The following CDH12 variants were observed in gnomAD, a reference collection of about 807,000 sequenced individuals.
CDH12 encodes cadherin 12, also known as cadherin-12.
In CDH12, 41 loss-of-function variants were observed where a neutral mutation model predicts 74.1. The observed-to-expected ratio is 0.55, with a 90% CI of 0.43 to 0.72. The LOEUF (loss-of-function observed/expected upper bound fraction) is 0.72. CDH12 is among the 30% of genes least tolerant of loss of function. CDH12 has a pLI of 0.00. For synonymous variants in CDH12, 399 were observed against 355.0 expected, an observed-to-expected ratio of 1.12 and a Z score of -1.39; for missense variants, 945 against 977.2, an observed-to-expected ratio of 0.97 and a Z score of 0.44.
chr5:22,836,725 A>C (rs1736846202), intron 1 of CDH12, among the ~76,000 whole-genome samples: 1 of 152,146 alleles, frequency 6.6e-6, no homozygotes, highest in Non-Finnish European at 1.5e-5. Context: ...TCCTGTTATA[A>C]AATTGCCGCA....
chr5:22,805,448 A>T (rs1748733364), intron 1 of CDH12, among the ~76,000 whole-genome samples: 1 of 152,180 alleles, frequency 6.6e-6, no homozygotes, highest in Admixed American at 6.5e-5. Context: ...AAAAGAGAGG[A>T]TTATAATTCA....
intron 3 of CDH12, among the ~76,000 whole-genome samples, chr5:22,325,909 G>GAAC (rs371346111): frequency 8.2e-4 from 124 of 151,382 alleles, no homozygotes; most frequent in African/African-American, 2.2e-3. Flanking sequence ...CTCCGTCTCA[G>GAAC]AACAACAACA....
chr5:22,513,072 T>C (rs1014076975), intron 1 of CDH12, among the ~76,000 whole-genome samples: 1 of 152,260 alleles, frequency 6.6e-6, no homozygotes, highest in Middle Eastern at 3.4e-3. Flanking sequence ...AAGATCCCTG[T>C]AATAATTTTA....
chr5:22,319,503 T>C (rs973622215), intron 3 of CDH12, among the ~76,000 whole-genome samples: 20 of 152,258 alleles, frequency 1.3e-4, no homozygotes, highest in African/African-American at 4.8e-4. Context: ...TCTAAGAATA[T>C]AGTTTCTCTC....
chr5:22,580,338 C>G, intron 1 of CDH12: 1 of 449,906 alleles, frequency 2.2e-6, no homozygotes, highest in Non-Finnish European at 4.6e-6. Context: ...GCACAGCATC[C>G]ATTTCAAGTC....
chr5:22,563,708 C>T (rs1739168405), intron 1 of CDH12, among the ~76,000 whole-genome samples: 1 of 152,104 alleles, frequency 6.6e-6, no homozygotes, highest in Non-Finnish European at 1.5e-5. Context: ...ATACCCAAGA[C>T]TGGGCAATTT....
intron 1 of CDH12, among the ~76,000 whole-genome samples, chr5:22,542,489 C>G (rs912400075): frequency 6.6e-6 from 1 of 152,032 alleles, no homozygotes. Context: ...AGGAGAGTAC[C>G]CAGAAGTGGC....
chr5:22,058,503 A>C (rs1022720916), intron 5 of CDH12, among the ~76,000 whole-genome samples: 1 of 151,982 alleles, frequency 6.6e-6, no homozygotes, highest in Non-Finnish European at 1.5e-5. Context: ...TTTTTTGGAA[A>C]TCTTTAATGA....
chr5:22,504,902 A>G (rs986678746), intron 2 of CDH12, among the ~76,000 whole-genome samples: 1 of 152,126 alleles, frequency 6.6e-6, no homozygotes, highest in African/African-American at 2.4e-5. Flanking sequence ...GACTAGACAA[A>G]GCATCATAAA....
intron 6 of CDH12, among the ~76,000 whole-genome samples, chr5:21,955,255 C>T (rs894449429): frequency 2.0e-5 from 3 of 151,364 alleles, no homozygotes; most frequent in Admixed American, 2.0e-4. Context: ...CTAAGTTGGT[C>T]TTAATCAAAT....
At chr5:22,287,011 G>T (rs906051640) in intron 3 of CDH12, among the ~76,000 whole-genome samples, 1 of 152,222 alleles carries the variant, frequency 6.6e-6, no homozygotes, top group Non-Finnish European at 1.5e-5. Flanking sequence ...AGGGAGAATC[G>T]GAAAGTTGAA....
intron 4 of CDH12, among the ~76,000 whole-genome samples, chr5:22,146,850 T>C (rs1159004703): frequency 6.6e-6 from 1 of 152,114 alleles, no homozygotes; most frequent in African/African-American, 2.4e-5. Flanking sequence ...TTACTTTGTA[T>C]CATATGAAAA....
intron 5 of CDH12, among the ~76,000 whole-genome samples, chr5:21,977,915 T>C (rs925678514): frequency 6.6e-6 from 1 of 152,164 alleles, no homozygotes; most frequent in African/African-American, 2.4e-5. Context: ...CATTCAGTGA[T>C]CTGCGTTGAC....
At chr5:22,538,182 T>C (rs1377650589) in intron 1 of CDH12, among the ~76,000 whole-genome samples, 3 of 152,204 alleles carry the variant, frequency 2.0e-5, no homozygotes, top group Non-Finnish European at 4.4e-5. Context: ...TCTCTCTCTT[T>C]CATTAACTAC....
intron 1 of CDH12, among the ~76,000 whole-genome samples, chr5:22,705,655 G>C (rs1303385244): frequency 6.6e-6 from 1 of 151,926 alleles, no homozygotes; most frequent in Non-Finnish European, 1.5e-5. Context: ...CTCAAATTCA[G>C]TAAATGGTGT....
At chr5:22,425,143 ATG>A (rs34267153) in intron 2 of CDH12, among the ~76,000 whole-genome samples, 32 of 124,026 alleles carry the variant, frequency 2.6e-4, no homozygotes, top group Middle Eastern at 0.01. Flanking sequence ...AATTATATAT[ATG>A]TGTGTGTGTA....
chr5:22,769,546 T>G (rs1452938977), intron 1 of CDH12, among the ~76,000 whole-genome samples: 1 of 152,064 alleles, frequency 6.6e-6, no homozygotes, highest in African/African-American at 2.4e-5. Flanking sequence ...AGCTTGGAGA[T>G]AGCCTATCGT....
chr5:21,949,449 C>CAAA (rs201292632), intron 6 of CDH12, among the ~76,000 whole-genome samples: 8 of 83,762 alleles, frequency 9.6e-5, no homozygotes, highest in Middle Eastern at 7.7e-3. Context: ...GACTCTGTCT[C>CAAA]AAAAAAAAAA....
Position 22,591,380 on chromosome 5 carries a change from T to C in CDH12, c.-522-86016A>G, listed in dbSNP as rs144673537. The stretch of plus-strand genomic sequence containing the variant: ...AAACAATGACCTGAAAAAATTAATA[T>C]CACAGAAATTATAGACTAGATAATA... On this transcript the variant is annotated intron_variant, in intron 1 of 14. Transcript: ENST00000382254. Among the ~76,000 whole-genome samples the C allele has an allele frequency of 2.9e-3, 448 of 152,176 alleles. 2 individuals carry two copies. Among genetic ancestry groups the C allele is most frequent in the Non-Finnish European group, 4.9e-3 (335 of 68,002 alleles).
Sources: gnomAD v4.1 joint callset for allele counts (sites outside exome capture counted in the v4.1 genomes callset) on GRCh38, gnomAD v4.1.1 for gene constraint, MANE v1.5 for transcripts, NCBI Gene and HGNC (gene_info 2026-07-23, HGNC 2026-07-21) for gene names.